Variants in STK32B observed in about 807,000 individuals in gnomAD.
STK32B encodes serine/threonine-protein kinase 32B.
Under a neutral mutation model 52.6 loss-of-function variants are expected in STK32B, and 43 were observed. The observed-to-expected ratio is 0.82, with a 90% CI of 0.64 to 1.05. The LOEUF (loss-of-function observed/expected upper bound fraction) is 1.05. Among genes scored for constraint, STK32B ranks in the 50% least tolerant of loss-of-function variants. The pLI, the probability that STK32B is intolerant of heterozygous loss-of-function variation, is 0.00. For missense variants in STK32B, 621 were observed against 534.6 expected (o/e 1.16, Z -1.59); for synonymous variants, 238 against 204.3 (o/e 1.17, Z -1.41).
intron 11 of STK32B, among the ~76,000 whole-genome samples, chr4:5,490,425 A>G (rs2108723977): frequency 6.6e-6 from 1 of 152,212 alleles, no homozygotes; most frequent in African/African-American, 2.4e-5. Flanking sequence ...AGTCTTATGA[A>G]GGCTGTCAAC....
intron 3 of STK32B, among the ~76,000 whole-genome samples, chr4:5,321,569 G>A (rs535744419): frequency 2.6e-5 from 4 of 152,128 alleles, no homozygotes; most frequent in Admixed American, 1.3e-4. Flanking sequence ...CCTCTCCTTC[G>A]TTGTACATTT....
At chr4:5,161,452 A>G (rs1408914614) in intron 2 of STK32B, among the ~76,000 whole-genome samples, 3 of 152,196 alleles carry the variant, frequency 2.0e-5, no homozygotes, top group African/African-American at 7.2e-5. Flanking sequence ...TCATGATCAC[A>G]AGGGGCTGCT....
chr4:5,310,055 A>ACT (rs1730187822), intron 3 of STK32B, among the ~76,000 whole-genome samples: 1 of 152,102 alleles, frequency 6.6e-6, no homozygotes, highest in Admixed American at 6.6e-5. Flanking sequence ...AGTCCCAGCT[A>ACT]CTCAGGAGGC....
chr4:5,446,579 A>AG, intron 6 of STK32B, 94 bp from the exon 7 acceptor site: 1 of 1,142,342 alleles, frequency 8.8e-7, no homozygotes, highest in Admixed American at 2.4e-5. Flanking sequence ...AAAAAAAAAA[A>AG]ACAAGCTCAA....
At chr4:5,284,259 C>A (rs1204285355) in intron 3 of STK32B, among the ~76,000 whole-genome samples, 14 of 151,954 alleles carry the variant, frequency 9.2e-5, no homozygotes, top group African/African-American at 3.1e-4. Flanking sequence ...ACCATCAAAC[C>A]ACAAAAGAAG....
chr4:5,408,109 T>C (rs1407029823), intron 5 of STK32B, among the ~76,000 whole-genome samples: 2 of 152,130 alleles, frequency 1.3e-5, no homozygotes, highest in African/African-American at 4.8e-5. Flanking sequence ...CTGTTGTTAA[T>C]CAGTCTATGA....
intron 1 of STK32B, among the ~76,000 whole-genome samples, chr4:5,067,802 G>C (rs1163294742): frequency 6.6e-6 from 1 of 152,104 alleles, no homozygotes; most frequent in Non-Finnish European, 1.5e-5. Flanking sequence ...AGAGGCCTCA[G>C]GAAACTTTCT....
chr4:5,075,476 T>A (rs1169940073), intron 1 of STK32B, among the ~76,000 whole-genome samples: 2 of 152,122 alleles, frequency 1.3e-5, no homozygotes, highest in Non-Finnish European at 2.9e-5. Flanking sequence ...TGTTTTTGAT[T>A]TTTTAAAAAT....
intron 6 of STK32B, chr4:5,436,552 CTCT>C (rs1209441737): frequency 2.0e-6 from 2 of 983,126 alleles, no homozygotes; most frequent in East Asian, 2.3e-4. Flanking sequence ...TTGGAGGTCT[CTCT>C]GGGTCCAGAG....
chr4:5,263,315 T>C (rs1327421375), intron 3 of STK32B, among the ~76,000 whole-genome samples: 2 of 139,344 alleles, frequency 1.4e-5, no homozygotes, highest in African/African-American at 5.6e-5. Flanking sequence ...TGATTTGGTT[T>C]TCACTGGGCC....
At chr4:5,280,698 C>T (rs566116069) in intron 3 of STK32B, among the ~76,000 whole-genome samples, 2 of 152,152 alleles carry the variant, frequency 1.3e-5, no homozygotes, top group African/African-American at 2.4e-5. Flanking sequence ...AGTTCAAAAC[C>T]AGCCTGGCCA....
chr4:5,384,264 G>A (rs1736107636), intron 4 of STK32B, among the ~76,000 whole-genome samples: 1 of 152,198 alleles, frequency 6.6e-6, no homozygotes, highest in Admixed American at 6.5e-5. Flanking sequence ...GCCCTGGTGA[G>A]CATGGGCTGG....
chr4:5,329,554 C>G (rs1293074260), intron 3 of STK32B, among the ~76,000 whole-genome samples: 1 of 152,302 alleles, frequency 6.6e-6, no homozygotes, highest in East Asian at 1.9e-4. Context: ...CTCGCCTGCA[C>G]CCTGGAAAGA....
At chr4:5,377,810 G>A (rs1299014874) in intron 4 of STK32B, among the ~76,000 whole-genome samples, 1 of 152,156 alleles carries the variant, frequency 6.6e-6, no homozygotes, top group Non-Finnish European at 1.5e-5. Context: ...TGCCATGATT[G>A]TCAGTTTCCT....
At chr4:5,105,631 T>G (rs1714056872) in intron 1 of STK32B, among the ~76,000 whole-genome samples, 1 of 152,014 alleles carries the variant, frequency 6.6e-6, no homozygotes, top group Non-Finnish European at 1.5e-5. Context: ...TGGCGGGATC[T>G]TGGCTCACTG....
At chr4:5,156,957 G>C (rs7698183) in intron 2 of STK32B, among the ~76,000 whole-genome samples, 101,213 of 151,812 alleles carry the variant, frequency 0.67, 34,344 homozygotes, top group East Asian at 0.92. Flanking sequence ...AAGACTCTTT[G>C]CAGGCTCTCA....
At chr4:5,449,225 C>T (rs147362518) in intron 7 of STK32B, among the ~76,000 whole-genome samples, 73 of 152,214 alleles carry the variant, frequency 4.8e-4, no homozygotes, top group African/African-American at 1.6e-3. Flanking sequence ...TGCCTGTAAT[C>T]GCAGCTAGTC....
chr4:5,038,448 T>G, the STK32B span, among the ~76,000 whole-genome samples: 1 of 152,214 alleles, frequency 6.6e-6, no homozygotes, highest in Non-Finnish European at 1.5e-5. Context: ...GCACAAATCA[T>G]AGAGAATACT....
At chr4:5,327,118 A>C (rs1326642778) in intron 3 of STK32B, among the ~76,000 whole-genome samples, 1 of 151,896 alleles carries the variant, frequency 6.6e-6, no homozygotes, top group African/African-American at 2.4e-5. Flanking sequence ...AGATGGCAGC[A>C]ATTTAGTCAC....
Sources: allele counts gnomAD v4.1 joint callset (sites outside exome capture counted in the v4.1 genomes callset), GRCh38; gene constraint gnomAD v4.1.1; transcripts MANE v1.5; gene names NCBI Gene and HGNC (gene_info 2026-07-23, HGNC 2026-07-21).